The following CNTN5 variants were observed in gnomAD, a reference collection of about 807,000 sequenced individuals.
CNTN5 encodes contactin-5.
A neutral mutation model predicts 129.1 loss-of-function variants in CNTN5; 77 were observed. The observed-to-expected ratio is 0.60, with a 90% confidence interval of 0.50 to 0.72. The LOEUF is 0.72. CNTN5 is among the 30% of genes least tolerant of loss of function. The pLI, the probability that CNTN5 is intolerant of heterozygous loss-of-function variation, is 0.00. For synonymous variants in CNTN5, 509 were observed against 465.6 expected (o/e 1.09, Z -1.20); for missense variants, 1,478 against 1,328.8 (o/e 1.11, Z -1.75).
Position 100,299,162 on chromosome 11 carries a change from C to T in CNTN5, c.2386C>T (p.Pro796Ser), listed in dbSNP as rs760486960. 7.6e-6 allele frequency: 12 copies of T among 1,571,604 alleles called. No individual in the cohort carries two copies. The East Asian group carries it at 2.5e-4, about 33-fold the overall frequency. ...RRHELVIAWE[P>S]VSEEFQNGEG... is the part of the protein sequence containing the mutation. ...AATTAATTATATTTTTCTTCTTTAG[C>T]CAGTATCTGAAGAGTTTCAGAATGG... The change falls in exon 20 of 25, where the codon CCA (proline) becomes TCA (serine). Residue 796 changes from proline (P) to serine (S), a missense_variant and splice_region_variant. Transcript: ENST00000524871.
Position 100,191,114 on chromosome 11 carries a change from A to T in CNTN5, c.1581-12A>T. On this transcript the variant is annotated splice_polypyrimidine_tract_variant and intron_variant, in intron 13 of 24. Coordinates refer to ENST00000524871, the MANE Select transcript of CNTN5 (RefSeq NM_014361.4). ...AAAACAGAAAAAAAAACTGTTTTTAAATAATTTTCAGAATAGCTATTCTTC... is the reference window on the plus strand; with the variant it reads ...AAAACAGAAAAAAAAACTGTTTTTATATAATTTTCAGAATAGCTATTCTTC... The T allele has an allele frequency of 6.4e-7, 1 of 1,571,648 alleles. No individual in the cohort carries two copies.
intron 1 of CNTN5, among the ~76,000 whole-genome samples, chr11:99,023,325 T>C (rs1162150894): frequency 1.3e-5 from 2 of 152,234 alleles, no homozygotes; most frequent in African/African-American, 4.8e-5. Flanking sequence ...GTTTGGCTGA[T>C]ATGTATTTCT....
intron 6 of CNTN5, among the ~76,000 whole-genome samples, chr11:99,909,376 C>G (rs923210093): frequency 6.6e-5 from 10 of 152,200 alleles, no homozygotes; most frequent in Non-Finnish European, 1.0e-4. Context: ...CTGTAAACCA[C>G]TTCAACCATT....
intron 18 of CNTN5, among the ~76,000 whole-genome samples, chr11:100,287,199 GA>G: frequency 6.6e-6 from 1 of 152,264 alleles, no homozygotes; most frequent in Non-Finnish European, 1.5e-5. Flanking sequence ...TATTATCCAG[GA>G]GAACTTCCCC....
At chr11:99,471,078 G>A (rs1218004417) in intron 2 of CNTN5, among the ~76,000 whole-genome samples, 1 of 151,422 alleles carries the variant, frequency 6.6e-6, no homozygotes, top group Non-Finnish European at 1.5e-5. Flanking sequence ...AGAGCACCTA[G>A]TCCCATTTCA....
chr11:100,121,594 T>C (rs1946024478), intron 13 of CNTN5, among the ~76,000 whole-genome samples: 1 of 151,986 alleles, frequency 6.6e-6, no homozygotes, highest in Non-Finnish European at 1.5e-5. Flanking sequence ...CTAGCATCTG[T>C]TGATCTCTAA....
chr11:99,032,057 A>T (rs1048116466), intron 1 of CNTN5, among the ~76,000 whole-genome samples: 34 of 151,706 alleles, frequency 2.2e-4, no homozygotes, highest in Non-Finnish European at 4.0e-4. Context: ...GAGAATGATG[A>T]CTTCCAATTT....
rs546112369 is a variant in CNTN5, at chr11:99,294,186, G to C, written c.-209-31160G>C. Among the ~76,000 whole-genome samples, 23 of 152,082 alleles carry C rather than the reference G, an allele frequency of 1.5e-4. 1 individual carries two copies. The South Asian group carries it at 4.8e-3, about 32-fold the overall frequency. On this transcript the variant is annotated intron_variant, in intron 1 of 24. Transcript: ENST00000524871. ...TTCATTGGTTGTACAGGAGCATGTT[G>C]TTTAATTTTCATATATTTAGTGGTT...
chr11:100,282,948 G>T (rs942094685), intron 18 of CNTN5, among the ~76,000 whole-genome samples: 1 of 152,096 alleles, frequency 6.6e-6, no homozygotes, highest in East Asian at 1.9e-4. Flanking sequence ...AGCTTTTGGC[G>T]AATGGTGCCT....
chr11:99,598,649 A>G (rs1459941656), intron 3 of CNTN5, among the ~76,000 whole-genome samples: 1 of 151,458 alleles, frequency 6.6e-6, no homozygotes, highest in African/African-American at 2.4e-5. Flanking sequence ...ATGTGACCTA[A>G]CAGTCCAGCA....
intron 13 of CNTN5, among the ~76,000 whole-genome samples, chr11:100,156,830 A>G (rs1192553252): frequency 6.6e-6 from 1 of 151,870 alleles, no homozygotes; most frequent in Non-Finnish European, 1.5e-5. Context: ...TTTCTGTGGG[A>G]TCCGTGGTGA....
intron 4 of CNTN5, among the ~76,000 whole-genome samples, chr11:99,837,794 C>A (rs971358361): frequency 6.7e-6 from 1 of 150,272 alleles, no homozygotes; most frequent in Non-Finnish European, 1.5e-5. Context: ...TTAGGAAATA[C>A]TTTATTGAGT....
intron 8 of CNTN5, among the ~76,000 whole-genome samples, chr11:99,983,675 T>C (rs1432680348): frequency 2.0e-5 from 3 of 152,228 alleles, no homozygotes; most frequent in African/African-American, 7.2e-5. Context: ...TATGCTACCA[T>C]TTCATTCTGT....
At chr11:99,501,699 T>C (rs1946433636) in intron 2 of CNTN5, among the ~76,000 whole-genome samples, 1 of 152,228 alleles carries the variant, frequency 6.6e-6, no homozygotes, top group Non-Finnish European at 1.5e-5. Context: ...TCAGCAAATA[T>C]TATTAGTGCT....
At chr11:99,248,129 T>C (rs1470515848) in intron 1 of CNTN5, among the ~76,000 whole-genome samples, 41 of 152,190 alleles carry the variant, frequency 2.7e-4, no homozygotes, top group Non-Finnish European at 5.6e-4. Context: ...ACCTGTTGTT[T>C]CCTGACGTTT....
chr11:99,755,443 A>G (rs1944375576), intron 3 of CNTN5, among the ~76,000 whole-genome samples: 1 of 152,066 alleles, frequency 6.6e-6, no homozygotes, highest in South Asian at 2.1e-4. Flanking sequence ...GTTGCGTCCC[A>G]TTGTTGTTTT....
intron 16 of CNTN5, among the ~76,000 whole-genome samples, chr11:100,232,063 A>G (rs569566905): frequency 7.9e-5 from 12 of 152,242 alleles, no homozygotes; most frequent in Middle Eastern, 3.4e-3. Flanking sequence ...CTGAGGCAGT[A>G]GAATTGCTTG....
At chr11:100,320,899 C>A (rs1951678187) in intron 21 of CNTN5, among the ~76,000 whole-genome samples, 2 of 152,032 alleles carry the variant, frequency 1.3e-5, no homozygotes, top group African/African-American at 4.8e-5. Context: ...GTGTTTTATT[C>A]TGTTTCATTG....
intron 1 of CNTN5, among the ~76,000 whole-genome samples, chr11:99,261,910 A>G (rs1862646849): frequency 6.6e-6 from 1 of 152,014 alleles, no homozygotes; most frequent in African/African-American, 2.4e-5. Context: ...ATCATGAGAA[A>G]GCAAAGCTGA....
Sources: allele counts gnomAD v4.1 joint callset (sites outside exome capture counted in the v4.1 genomes callset), GRCh38; gene constraint gnomAD v4.1.1; transcripts MANE v1.5; gene names NCBI Gene and HGNC (gene_info 2026-07-23, HGNC 2026-07-21).